The following ABCB11 variants were observed in gnomAD, a reference collection of about 807,000 sequenced individuals.
ABCB11 encodes bile salt export pump.
Under a neutral mutation model 148.0 loss-of-function variants are expected in ABCB11, and 95 were observed. The observed-to-expected ratio is 0.64, with a 90% CI of 0.54 to 0.76. The LOEUF (loss-of-function observed/expected upper bound fraction) is 0.76. Ranked by LOEUF, ABCB11 falls within the 30% of genes least tolerant of loss-of-function variation. The pLI, the probability that ABCB11 is intolerant of heterozygous loss-of-function variation, is 0.00. For synonymous variants in ABCB11, 591 were observed against 555.4 expected, an observed-to-expected ratio of 1.06 and a Z score of -0.90; for missense variants, 1,523 against 1,617.8, an observed-to-expected ratio of 0.94 and a Z score of 1.01.
At chr2:169,014,153 C>T in intron 4 of ABCB11, 150 bp downstream of exon 4, 1 of 741,306 alleles carries the variant, frequency 1.3e-6, no homozygotes, top group East Asian at 2.5e-5. Flanking sequence ...AGTTATTCAG[C>T]ATGTTATCAC....
In ABCB11 at chr2:168,922,930, A is replaced by G. The variant is rs1392824484; in HGVS notation, c.*692T>C. The G allele has an allele frequency of 1.3e-5, 2 of 152,474 alleles. No homozygotes were observed. Among genetic ancestry groups the G allele is most frequent in the Non-Finnish European group, 2.9e-5 (2 of 68,274 alleles). The allele number at this position is 152,474 out of a possible 1,614,324, so 9.4% of individuals were successfully genotyped here. On this transcript the variant is annotated 3_prime_UTR_variant, in exon 28 of 28. Transcript: ENST00000650372. ...TCCAGCCACACTGGTAGGTCCTCAC[A>G]GTAATGGTAGCATCACCACCCCTAC...
intron 18 of ABCB11, among the ~76,000 whole-genome samples, chr2:168,960,229 A>G (rs1444483900): frequency 6.6e-6 from 1 of 151,692 alleles, no homozygotes; most frequent in Non-Finnish European, 1.5e-5. Context: ...TAATTCTGGT[A>G]ACCAAAGTTC....
At chr2:168,960,425 C>G (rs953167364) in intron 18 of ABCB11, among the ~76,000 whole-genome samples, 11 of 151,576 alleles carry the variant, frequency 7.3e-5, no homozygotes, top group Admixed American at 2.0e-4. Context: ...TTTTCTGGAA[C>G]GATTGCCCCA....
intron 21 of ABCB11, among the ~76,000 whole-genome samples, chr2:168,936,869 CT>C (rs1444488846): frequency 3.3e-5 from 5 of 152,086 alleles, no homozygotes; most frequent in Non-Finnish European, 7.4e-5. Context: ...AATTTCATTC[CT>C]TTTTATTTTT....
rs372851471 is a variant in ABCB11 at position 168,995,347 on chromosome 2, A to G, written c.611+2T>C. 6.2e-7 allele frequency: 1 copy of G among 1,611,298 alleles called. No individual in the cohort carries two copies. Among genetic ancestry groups the G allele is most frequent in the African/African-American group, 1.3e-5 (1 of 74,766 alleles). On this transcript the variant is annotated splice_donor_variant, in intron 7 of 27. Transcript: ENST00000650372. LOFTEE classifies it high-confidence loss of function. ...TAAAATACTGTTTTACCAGCTACTT[A>G]CTCAGAGAATCTTGTATTCAGCTCC...
Position 168,936,401 on chromosome 2 carries a change from A to G in ABCB11, c.2643T>C (p.Asn881=). 1 of 1,613,960 alleles carries G rather than the reference A, an allele frequency of 6.2e-7. No homozygotes were observed. The highest frequency in any genetic ancestry group is 1.1e-5 in the South Asian group (1 of 91,072). The change falls in exon 22 of 28, where the codon AAT becomes AAC. Residue 881 remains asparagine (N), a synonymous_variant. Coordinates refer to ENST00000650372, the MANE Select transcript of ABCB11 (RefSeq NM_003742.4). Reference sequence around the variant, plus strand: ...TGGCCACAGTGACGTTAGTGAAGGAATTGACTATCATCCCGATCTGAGAGC... The same window carrying G: ...TGGCCACAGTGACGTTAGTGAAGGAGTTGACTATCATCCCGATCTGAGAGC... ...AAGSQIGMIV[N]SFTNVTVAMI... is the part of the protein sequence containing the mutation.
At chr2:169,025,433 C>T (rs1255257965) in intron 1 of ABCB11, among the ~76,000 whole-genome samples, 4 of 152,142 alleles carry the variant, frequency 2.6e-5, no homozygotes, top group Non-Finnish European at 5.9e-5. Flanking sequence ...TCTACAGCAG[C>T]CAGCAAAAGG....
intron 25 of ABCB11, 121 bp downstream of exon 25, chr2:168,930,544 G>A (rs1691517599): frequency 3.0e-6 from 2 of 668,642 alleles, no homozygotes; most frequent in South Asian, 4.9e-5. Flanking sequence ...ATATGCATGG[G>A]GTAAGTGCCT....
At chr2:168,929,474 A>G (rs186401571) in intron 25 of ABCB11, among the ~76,000 whole-genome samples, 4 of 152,352 alleles carry the variant, frequency 2.6e-5, no homozygotes, top group Admixed American at 1.3e-4. Context: ...ATTTGACTGA[A>G]GGATGAACAA....
rs532612630 is a variant in ABCB11, at chr2:169,007,621, A to G, written c.389+5651T>C. 9.5e-4 allele frequency among the ~76,000 whole-genome samples: 144 copies of G among 152,312 alleles called. 1 individual carries two copies. Among genetic ancestry groups the G allele is most frequent in the African/African-American group, 3.4e-3 (143 of 41,578 alleles). On this transcript the variant is annotated intron_variant, in intron 5 of 27. Transcript: ENST00000650372. Reference sequence around the variant, plus strand: ...TGTTCACGACCTTGGATTTGGCAATAGTTTCTTAGATATGACACCAATTCA... The same window carrying G: ...TGTTCACGACCTTGGATTTGGCAATGGTTTCTTAGATATGACACCAATTCA...
intron 2 of ABCB11, among the ~76,000 whole-genome samples, chr2:169,017,703 T>C (rs1330574490): frequency 6.6e-6 from 1 of 152,076 alleles, no homozygotes; most frequent in African/African-American, 2.4e-5. Context: ...CTGGGCACAG[T>C]TCTTCCTAAG....
rs1260364654 is a variant in ABCB11 at position 168,921,856 on chromosome 2, TCTTTTTC to T, written c.*1759_*1765del. Among the ~76,000 whole-genome samples, 1 of 142,988 alleles carries T rather than the reference TCTTTTTC, an allele frequency of 7.0e-6. No homozygotes were observed. The highest frequency in any genetic ancestry group is 2.9e-5 in the African/African-American group (1 of 34,718). The allele number at this position is 142,988 out of a possible 152,430, so 93.8% of individuals were successfully genotyped here. A position where few individuals can be genotyped will look rare whatever the true frequency, so the allele number is the denominator to read the frequency against. ...CGGAGTCCTTGACCTCTTTTCTTTT[TCTTTTTC>T]TTTTTTTTTTTTTTTCGCTCTGTCG... On this transcript the variant is annotated 3_prime_UTR_variant, in exon 28 of 28. Coordinates refer to ENST00000650372, the MANE Select transcript of ABCB11 (RefSeq NM_003742.4).
chr2:169,004,759 C>T (rs954439014), intron 5 of ABCB11, among the ~76,000 whole-genome samples: 4 of 152,112 alleles, frequency 2.6e-5, no homozygotes, highest in Admixed American at 2.0e-4. Flanking sequence ...TTTTCTGGTT[C>T]TCTCTTATTT....
chr2:169,018,684 G>A (rs1450729176), intron 1 of ABCB11, among the ~76,000 whole-genome samples: 3 of 152,036 alleles, frequency 2.0e-5, no homozygotes, highest in Middle Eastern at 3.2e-3. Context: ...TGTAAATGTC[G>A]ACAGAGTCAT....
rs139582112 is a variant in ABCB11, at chr2:168,940,263, CTAAA to C, written c.2611-3834_2611-3831del. 5.6e-3 allele frequency among the ~76,000 whole-genome samples: 849 copies of C among 151,676 alleles called. 10 individuals are homozygous for C. The highest frequency in any genetic ancestry group is 0.019 in the African/African-American group (799 of 41,352). On this transcript the variant is annotated intron_variant, in intron 21 of 27. Coordinates refer to ENST00000650372, the MANE Select transcript of ABCB11 (RefSeq NM_003742.4). ...AGCCTCATTTAGTCCTGAGATAGGA[CTAAA>C]TAAATAGTCAAGCTGTGAATGCAGA...
rs773036125 is a variant in ABCB11 at position 168,986,213 on chromosome 2, C to T, written c.980G>A (p.Gly327Glu). 8 of 1,613,282 alleles carry T rather than the reference C, an allele frequency of 5.0e-6. No homozygotes were observed. Among genetic ancestry groups the T allele is most frequent in the Non-Finnish European group, 6.8e-6 (8 of 1,179,596 alleles). ...RKGIVMGFFT[G>E]FVWCLIFLCY... ...CAAAAAGATGAGACACCACACGAAT[C>T]CAGTAAAGAATCCCATCACTATTCC... The change falls in exon 10 of 28, where the codon GGA becomes GAA. Residue 327 changes from glycine to glutamate, a missense_variant. Transcript: ENST00000650372.
chr2:169,006,556 GATAAA>G (rs140687117), intron 5 of ABCB11, among the ~76,000 whole-genome samples: 15,997 of 150,948 alleles, frequency 0.11, 1,231 homozygotes, highest in East Asian at 0.35. Flanking sequence ...TAGGCAATAA[GATAAA>G]ATAAAATAAA....
At chr2:169,003,996 T>C (rs1440530614) in intron 5 of ABCB11, among the ~76,000 whole-genome samples, 1 of 152,192 alleles carries the variant, frequency 6.6e-6, no homozygotes, top group Non-Finnish European at 1.5e-5. Context: ...CCTTCTAGCT[T>C]GTAGGGTTTC....
At chr2:168,983,382 G>C (rs1350410787) in intron 10 of ABCB11, among the ~76,000 whole-genome samples, 1 of 152,112 alleles carries the variant, frequency 6.6e-6, no homozygotes, top group Non-Finnish European at 1.5e-5. Flanking sequence ...GTTAAAATCT[G>C]GACCTGCAAT....
Sources: allele counts gnomAD v4.1 joint callset (sites outside exome capture counted in the v4.1 genomes callset), GRCh38; gene constraint gnomAD v4.1.1; transcripts MANE v1.5; gene names NCBI Gene and HGNC (gene_info 2026-07-23, HGNC 2026-07-21).